ASTN2: variants seen among roughly 807,000 people sequenced by gnomAD.
ASTN2 encodes astrotactin 2.
Under a neutral mutation model 139.8 loss-of-function variants are expected in ASTN2, and 54 were observed. The ratio of observed to expected loss-of-function variants is 0.39; its 90% CI spans 0.31 to 0.48. ASTN2 has a LOEUF of 0.48. ASTN2 is among the 20% of genes least tolerant of loss of function. ASTN2 has a pLI of 0.95. For missense variants in ASTN2, 1,565 were observed against 1,725.1 expected (o/e 0.91, Z 1.64); for synonymous variants, 756 against 719.5 (o/e 1.05, Z -0.81).
rs565157629 is a variant in ASTN2, at chr9:116,916,955, T to C, written c.1890-53222A>G. 5.3e-5 allele frequency among the ~76,000 whole-genome samples: 8 copies of C among 152,294 alleles called. No individual in the cohort carries two copies. The South Asian group carries it at 1.7e-3, about 32-fold the overall frequency. ...TATAAGAGTTTAAGAAATGTTATTG[T>C]TCCAGCCATTGGGGCTGGAAAAACC... On this transcript the variant is annotated intron_variant, in intron 10 of 22. Transcript: ENST00000313400.
intron 1 of ASTN2, among the ~76,000 whole-genome samples, chr9:117,327,113 C>T (rs1478492704): frequency 6.6e-6 from 1 of 152,126 alleles, no homozygotes; most frequent in Non-Finnish European, 1.5e-5. Flanking sequence ...GTATGCAGTT[C>T]ACAATAGGGT....
At chr9:117,396,309 G>A (rs1329515746) in intron 1 of ASTN2, among the ~76,000 whole-genome samples, 3 of 152,192 alleles carry the variant, frequency 2.0e-5, no homozygotes, top group South Asian at 4.1e-4. Flanking sequence ...ATGAGCCTGC[G>A]TTTCATGTTA....
At chr9:117,076,731 C>T (rs1215122700) in intron 5 of ASTN2, among the ~76,000 whole-genome samples, 1 of 152,052 alleles carries the variant, frequency 6.6e-6, no homozygotes, top group African/African-American at 2.4e-5. Flanking sequence ...AGGATGTAGT[C>T]ACAGACCACA....
chr9:116,869,940 T>C (rs1677077955), intron 10 of ASTN2, among the ~76,000 whole-genome samples: 1 of 126,528 alleles, frequency 7.9e-6, no homozygotes, highest in African/African-American at 3.1e-5. Flanking sequence ...CCCATTTCTA[T>C]AATTTTTTTT....
rs1022163518 is a variant in ASTN2, at chr9:116,925,572, C to T, written c.1889+49636G>A. Among the ~76,000 whole-genome samples, 10 of 152,186 alleles carry T rather than the reference C, an allele frequency of 6.6e-5. No homozygotes were observed. The East Asian group carries it at 9.7e-4, about 15-fold the overall frequency. ...ATACAGGCTCTCTGCTACACAGATA[C>T]GATAAAGGAAGCTTGGGTCTGTCTC... is the stretch of plus-strand genomic sequence containing the variant. On this transcript the variant is annotated intron_variant, in intron 10 of 22. Transcript: ENST00000313400.
At chr9:117,274,263 T>A (rs940008964) in intron 2 of ASTN2, among the ~76,000 whole-genome samples, 2 of 152,114 alleles carry the variant, frequency 1.3e-5, no homozygotes, top group Non-Finnish European at 2.9e-5. Context: ...GGCAGGAGAA[T>A]CGCCTGACTC....
chr9:116,500,678 C>T (rs374474073), intron 19 of ASTN2, among the ~76,000 whole-genome samples: 7 of 152,166 alleles, frequency 4.6e-5, no homozygotes, highest in African/African-American at 1.4e-4. Context: ...AAGCAAGTGA[C>T]GTCATCTTTT....
intron 11 of ASTN2, among the ~76,000 whole-genome samples, chr9:116,835,145 C>A (rs903420441): frequency 6.6e-6 from 1 of 152,130 alleles, no homozygotes; most frequent in South Asian, 2.1e-4. Flanking sequence ...AACTCCAGGT[C>A]TTAATTATAT....
At chr9:116,834,332 C>T (rs972551048) in intron 11 of ASTN2, among the ~76,000 whole-genome samples, 2 of 152,014 alleles carry the variant, frequency 1.3e-5, no homozygotes, top group African/African-American at 4.8e-5. Flanking sequence ...GTTATTGAGT[C>T]CTTCTATATT....
chr9:117,380,597 CAAA>C (rs1199618121), intron 1 of ASTN2, among the ~76,000 whole-genome samples: 12 of 92,624 alleles, frequency 1.3e-4, no homozygotes, highest in African/African-American at 1.3e-4. Context: ...GAGCAAGACT[CAAA>C]AAAAAAAAAA....
At chr9:116,509,732 T>C (rs552589203) in intron 19 of ASTN2, among the ~76,000 whole-genome samples, 17 of 152,004 alleles carry the variant, frequency 1.1e-4, no homozygotes, top group Non-Finnish European at 2.2e-4. Context: ...CTCATTGTGG[T>C]TTTGATTTGC....
chr9:116,950,774 C>T (rs1835534845), intron 10 of ASTN2, among the ~76,000 whole-genome samples: 1 of 152,126 alleles, frequency 6.6e-6, no homozygotes, highest in South Asian at 2.1e-4. Context: ...TATGTAAGTA[C>T]CCTCCCTCCT....
intron 10 of ASTN2, among the ~76,000 whole-genome samples, chr9:116,883,015 G>T (rs145431303): frequency 6.6e-6 from 1 of 152,234 alleles, no homozygotes; most frequent in Admixed American, 6.5e-5. Flanking sequence ...GTTCGTACAC[G>T]TTGACCAAGT....
chr9:116,673,385 C>T (rs1293843818), intron 16 of ASTN2, among the ~76,000 whole-genome samples: 1 of 152,076 alleles, frequency 6.6e-6, no homozygotes, highest in Non-Finnish European at 1.5e-5. Flanking sequence ...TGAAAGAAAA[C>T]TAGAGATCTT....
chr9:116,600,692 C>A (rs987779313), intron 19 of ASTN2, among the ~76,000 whole-genome samples: 5 of 152,286 alleles, frequency 3.3e-5, no homozygotes, highest in South Asian at 4.1e-4. Flanking sequence ...AAAACTTTTA[C>A]TCTTTACCAT....
chr9:116,879,260 G>A (rs1833386328), intron 10 of ASTN2, among the ~76,000 whole-genome samples: 1 of 152,042 alleles, frequency 6.6e-6, no homozygotes, highest in Non-Finnish European at 1.5e-5. Context: ...ACATAATGTG[G>A]CTTCCCAAAA....
At chr9:116,854,066 A>C (rs1362898638) in intron 11 of ASTN2, among the ~76,000 whole-genome samples, 3 of 152,328 alleles carry the variant, frequency 2.0e-5, no homozygotes, top group South Asian at 4.1e-4. Context: ...TTTGGCCCGA[A>C]TTCCCTGCTC....
chr9:117,142,318 G>C (rs1234081107), intron 3 of ASTN2, among the ~76,000 whole-genome samples: 1 of 152,188 alleles, frequency 6.6e-6, no homozygotes, highest in African/African-American at 2.4e-5. Flanking sequence ...GAGGAAAGGA[G>C]GCCTGGACTG....
intron 7 of ASTN2, among the ~76,000 whole-genome samples, chr9:116,979,993 C>T (rs1836462080): frequency 6.6e-6 from 1 of 152,144 alleles, no homozygotes; most frequent in South Asian, 2.1e-4. Flanking sequence ...ATTACTGATG[C>T]TCATTATACA....
Sources: allele counts gnomAD v4.1 joint callset (sites outside exome capture counted in the v4.1 genomes callset), GRCh38; gene constraint gnomAD v4.1.1; transcripts MANE v1.5; gene names NCBI Gene and HGNC (gene_info 2026-07-23, HGNC 2026-07-21).